HTR1F: variants seen among roughly 807,000 people sequenced by gnomAD.
The protein encoded by HTR1F is 5-hydroxytryptamine (serotonin) receptor 1F, G protein-coupled.
A neutral mutation model predicts 24.0 loss-of-function variants in HTR1F; 17 were observed. The ratio of observed to expected loss-of-function variants is 0.71; its 90% confidence interval spans 0.48 to 1.06. HTR1F has a LOEUF of 1.06. Among genes scored for constraint, HTR1F ranks in the 50% least tolerant of loss-of-function variants. The pLI, the probability that HTR1F is intolerant of heterozygous loss-of-function variation, is 0.00. For missense variants in HTR1F, 391 were observed against 427.8 expected, an observed-to-expected ratio of 0.91 and a Z score of 0.76; for synonymous variants, 186 against 156.8, an observed-to-expected ratio of 1.19 and a Z score of -1.39.
chr3:87,831,645 A>G (rs1704583340), intron 2 of HTR1F, among the ~76,000 whole-genome samples: 1 of 152,116 alleles, frequency 6.6e-6, no homozygotes, highest in South Asian at 2.1e-4. Context: ...TACAGGCGTG[A>G]GCCACTGCGC....
intron 2 of HTR1F, among the ~76,000 whole-genome samples, chr3:87,986,433 G>A (rs576973973): frequency 6.6e-6 from 1 of 152,276 alleles, no homozygotes; most frequent in African/African-American, 2.4e-5. Context: ...TTATGTGACA[G>A]ATAAATTTTG....
intron 1 of HTR1F, among the ~76,000 whole-genome samples, chr3:87,800,762 G>A (rs1703978044): frequency 6.6e-6 from 1 of 152,130 alleles, no homozygotes; most frequent in Non-Finnish European, 1.5e-5. Context: ...CCCTTGAGTA[G>A]GAGTGATTTT....
chr3:87,953,608 A>G (rs1704881607), intron 2 of HTR1F, among the ~76,000 whole-genome samples: 1 of 151,868 alleles, frequency 6.6e-6, no homozygotes, highest in Non-Finnish European at 1.5e-5. Flanking sequence ...TAGTACAGCC[A>G]TTATGGAACG....
At chr3:87,979,596 C>T (rs1333231251) in intron 2 of HTR1F, among the ~76,000 whole-genome samples, 4 of 152,196 alleles carry the variant, frequency 2.6e-5, no homozygotes, top group Non-Finnish European at 5.9e-5. Context: ...GTCACTTTTC[C>T]AGTCAGAAGC....
At chr3:87,890,564 T>C (rs1706057429) in intron 2 of HTR1F, among the ~76,000 whole-genome samples, 1 of 149,264 alleles carries the variant, frequency 6.7e-6, no homozygotes, top group African/African-American at 2.5e-5. Context: ...TTTTTGAGTA[T>C]GGGCTAGATT....
At chr3:87,904,853 G>A (rs775628453) in intron 2 of HTR1F, among the ~76,000 whole-genome samples, 9 of 152,098 alleles carry the variant, frequency 5.9e-5, no homozygotes, top group Non-Finnish European at 1.2e-4. Context: ...GAGTGATAAT[G>A]TTTTGGAGGA....
intron 2 of HTR1F, among the ~76,000 whole-genome samples, chr3:87,899,952 A>T (rs769077345): frequency 2.0e-5 from 3 of 152,126 alleles, no homozygotes; most frequent in Non-Finnish European, 4.4e-5. Context: ...TACTATCTAC[A>T]TAGGCTCTAC....
intron 2 of HTR1F, among the ~76,000 whole-genome samples, chr3:87,930,189 G>C (rs1353857071): frequency 6.6e-6 from 1 of 152,134 alleles, no homozygotes; most frequent in Non-Finnish European, 1.5e-5. Context: ...TTTGGGCTTG[G>C]ACTATGGTGT....
intron 2 of HTR1F, among the ~76,000 whole-genome samples, chr3:87,937,107 G>A (rs1455003064): frequency 2.1e-5 from 3 of 142,860 alleles, no homozygotes; most frequent in South Asian, 4.3e-4. Flanking sequence ...AAAAGAGGAC[G>A]GACTCCTCCC....
At chr3:87,900,444 T>G (rs1706296172) in intron 2 of HTR1F, among the ~76,000 whole-genome samples, 1 of 152,176 alleles carries the variant, frequency 6.6e-6, no homozygotes, top group Non-Finnish European at 1.5e-5. Flanking sequence ...TGGAGAAACC[T>G]TTAATTTAAA....
chr3:87,987,331 G>A (rs1277103309), intron 2 of HTR1F, among the ~76,000 whole-genome samples: 1 of 151,738 alleles, frequency 6.6e-6, no homozygotes, highest in Non-Finnish European at 1.5e-5. Flanking sequence ...CATTTTACCT[G>A]TAATCATTGA....
chr3:87,907,372 G>T (rs1703690590), intron 2 of HTR1F, among the ~76,000 whole-genome samples: 1 of 114,288 alleles, frequency 8.7e-6, no homozygotes, highest in Admixed American at 7.7e-5. Flanking sequence ...TTTTTGAAGG[G>T]ATTTTTTTTT....
At chr3:87,894,381 C>G (rs1706153290) in intron 2 of HTR1F, among the ~76,000 whole-genome samples, 1 of 151,564 alleles carries the variant, frequency 6.6e-6, no homozygotes, top group South Asian at 2.1e-4. Flanking sequence ...CTCAGCCTCC[C>G]GAGTAGCTGG....
intron 2 of HTR1F, among the ~76,000 whole-genome samples, chr3:87,926,339 T>C (rs1381754287): frequency 6.6e-6 from 1 of 152,180 alleles, no homozygotes; most frequent in Non-Finnish European, 1.5e-5. Flanking sequence ...AAAACTCCAC[T>C]TGGAACATAT....
chr3:87,904,363 T>C (rs1703610159), intron 2 of HTR1F, among the ~76,000 whole-genome samples: 1 of 152,138 alleles, frequency 6.6e-6, no homozygotes, highest in South Asian at 2.1e-4. Context: ...GCAATTTCAT[T>C]GCTTTCTATT....
chr3:87,900,139 G>A (rs1455824305), intron 2 of HTR1F, among the ~76,000 whole-genome samples: 4 of 151,990 alleles, frequency 2.6e-5, no homozygotes, highest in Non-Finnish European at 5.9e-5. Flanking sequence ...GGGATAAGTA[G>A]TATTAATATA....
At chr3:87,836,922 A>T (rs1283173046) in intron 2 of HTR1F, among the ~76,000 whole-genome samples, 3 of 152,082 alleles carry the variant, frequency 2.0e-5, no homozygotes, top group African/African-American at 7.2e-5. Context: ...AGTTATTAAT[A>T]TAGTATCATT....
intron 2 of HTR1F, among the ~76,000 whole-genome samples, chr3:87,904,119 C>T (rs2938270): frequency 6.6e-6 from 1 of 151,814 alleles, no homozygotes; most frequent in Non-Finnish European, 1.5e-5. Context: ...CATAAAAAAA[C>T]GTTTACAACA....
At chr3:87,917,912 A>T (rs1233026620) in intron 2 of HTR1F, among the ~76,000 whole-genome samples, 4 of 152,038 alleles carry the variant, frequency 2.6e-5, no homozygotes, top group Non-Finnish European at 4.4e-5. Flanking sequence ...TAAAGGACAT[A>T]ACCAAAAAAG....
Sources: gnomAD v4.1 joint callset for allele counts (sites outside exome capture counted in the v4.1 genomes callset) on GRCh38, gnomAD v4.1.1 for gene constraint, MANE v1.5 for transcripts, NCBI Gene and HGNC (gene_info 2026-07-23, HGNC 2026-07-21) for gene names.